The following ASTN2 variants were observed in gnomAD, a reference collection of about 807,000 sequenced individuals.
ASTN2 encodes the protein astrotactin-2.
Under a neutral mutation model 139.8 loss-of-function variants are expected in ASTN2, and 54 were observed. The observed-to-expected ratio is 0.39, with a 90% CI of 0.31 to 0.48. ASTN2 has a LOEUF of 0.48. Ranked by LOEUF, ASTN2 falls within the 20% of genes least tolerant of loss-of-function variation. ASTN2 has a pLI of 0.95. For synonymous variants in ASTN2, 756 were observed against 719.5 expected, an observed-to-expected ratio of 1.05 and a Z score of -0.81; for missense variants, 1,565 against 1,725.1, an observed-to-expected ratio of 0.91 and a Z score of 1.64.
chr9:116,497,687 A>G (rs1009898727), intron 19 of ASTN2, among the ~76,000 whole-genome samples: 1 of 152,058 alleles, frequency 6.6e-6, no homozygotes, highest in Admixed American at 6.6e-5. Flanking sequence ...TATTGCTAAC[A>G]TGTGTGGGGA....
chr9:117,027,672 G>C (rs1483283297), intron 6 of ASTN2, among the ~76,000 whole-genome samples: 1 of 152,144 alleles, frequency 6.6e-6, no homozygotes, highest in Non-Finnish European at 1.5e-5. Flanking sequence ...ACCCAGATCT[G>C]CCCAGTGGAA....
intron 16 of ASTN2, among the ~76,000 whole-genome samples, chr9:116,655,418 T>G (rs577934247): frequency 6.6e-6 from 1 of 152,334 alleles, no homozygotes; most frequent in African/African-American, 2.4e-5. Context: ...AGAGAGCATG[T>G]AGAAAATGTG....
At chr9:116,983,281 G>A (rs577629139) in intron 7 of ASTN2, among the ~76,000 whole-genome samples, 10 of 152,128 alleles carry the variant, frequency 6.6e-5, no homozygotes, top group Non-Finnish European at 1.5e-4. Context: ...GCACGTAGTG[G>A]GAAAAGTATG....
intron 11 of ASTN2, among the ~76,000 whole-genome samples, chr9:116,849,749 C>T (rs1326814): frequency 0.58 from 88,043 of 151,872 alleles, 26,002 homozygotes; most frequent in Middle Eastern, 0.79. Context: ...AGGCTGGTAT[C>T]GCTTCCCCAT....
In ASTN2 at chr9:116,425,176, CAG is replaced by C. The variant is rs1422863578; in HGVS notation, c.*673_*674del. On this transcript the variant is annotated 3_prime_UTR_variant, in exon 23 of 23. Transcript: ENST00000313400. ...GGTAGATACTCAATAAGTGAATAAA[CAG>C]AGGTCTCTCAAGCACATTCCCTTGG... 4.3e-6 allele frequency: 1 copy of C among 231,842 alleles called. No individual in the cohort carries two copies. Among genetic ancestry groups the C allele is most frequent in the Non-Finnish European group, 8.3e-6 (1 of 120,658 alleles). The allele number at this position is 231,842 out of a possible 1,614,324, so 14.4% of individuals were successfully genotyped here.
chr9:117,198,908 A>C (rs1051497044), intron 3 of ASTN2, among the ~76,000 whole-genome samples: 2 of 151,982 alleles, frequency 1.3e-5, no homozygotes, highest in African/African-American at 4.8e-5. Context: ...GCTGTTTTTC[A>C]TATGTTTGTT....
intron 5 of ASTN2, among the ~76,000 whole-genome samples, chr9:117,090,145 A>G (rs1828669383): frequency 6.6e-6 from 1 of 152,232 alleles, no homozygotes; most frequent in Non-Finnish European, 1.5e-5. Context: ...GAAAATATTT[A>G]TGTCCATTCA....
Position 116,558,086 on chromosome 9 carries a change from A to G in ASTN2, c.3355+60238T>C, listed in dbSNP as rs1279424051. On this transcript the variant is annotated intron_variant, in intron 19 of 22. Transcript: ENST00000313400. ...GTGATCCCACTATGGACCATATCCT[A>G]TATCATGGGTGCTGAGATGAAGGGC... is the stretch of plus-strand genomic sequence containing the variant. Among the ~76,000 whole-genome samples, 6 of 152,178 alleles carry G rather than the reference A, an allele frequency of 3.9e-5. No individual in the cohort carries two copies. The South Asian group carries it at 6.2e-4, about 16-fold the overall frequency.
intron 1 of ASTN2, among the ~76,000 whole-genome samples, chr9:117,374,369 T>TAAAAAAAAAAAAAAAAAAAA (rs57428022): frequency 1.1e-5 from 1 of 87,328 alleles, no homozygotes; most frequent in African/African-American, 5.5e-5. Context: ...AGGGCAGGGT[T>TAAAAAAAAAAAAAAAAAAAA]AAAAAAAAAA....
At chr9:117,208,306 T>C (rs1026869985) in intron 3 of ASTN2, among the ~76,000 whole-genome samples, 4 of 151,704 alleles carry the variant, frequency 2.6e-5, no homozygotes, top group Admixed American at 6.6e-5. Context: ...AAGAGATAGA[T>C]ACCATAAAAA....
chr9:117,284,523 G>A (rs1036752427), intron 2 of ASTN2, among the ~76,000 whole-genome samples: 1 of 152,208 alleles, frequency 6.6e-6, no homozygotes, highest in East Asian at 1.9e-4. Context: ...GAACCTAGAA[G>A]GAAAGCCTGG....
intron 1 of ASTN2, among the ~76,000 whole-genome samples, chr9:117,392,548 C>T (rs867524654): frequency 6.6e-6 from 1 of 152,184 alleles, no homozygotes; most frequent in Admixed American, 6.5e-5. Context: ...GATTACTAAA[C>T]TCTTACAACC....
chr9:116,670,639 C>T (rs921144800), intron 16 of ASTN2, among the ~76,000 whole-genome samples: 1 of 152,098 alleles, frequency 6.6e-6, no homozygotes. Context: ...TGGTTAATGG[C>T]AGCCACCATA....
intron 1 of ASTN2, among the ~76,000 whole-genome samples, chr9:117,336,011 T>C (rs1025775934): frequency 1.3e-5 from 2 of 148,586 alleles, no homozygotes; most frequent in African/African-American, 5.0e-5. Flanking sequence ...GTTGAACAAA[T>C]TGGCAGTGAG....
chr9:117,406,830 TTATTA>T (rs1451766783), intron 1 of ASTN2, among the ~76,000 whole-genome samples: 1 of 150,646 alleles, frequency 6.6e-6, no homozygotes, highest in South Asian at 2.1e-4. Context: ...ACTTATTTAC[TTATTA>T]TGTCTGTTGT....
At position 117,414,813 on chromosome 9, in the gene ASTN2, C is replaced by T. The variant is rs1369479199; in HGVS notation, c.126G>A (p.Leu42=). 3 of 1,220,038 alleles carry T rather than the reference C, an allele frequency of 2.5e-6. No individual in the cohort carries two copies. Among genetic ancestry groups the T allele is most frequent in the Non-Finnish European group, 3.1e-6 (3 of 979,414 alleles). 75.6% of individuals were successfully genotyped at this position (1,220,038 alleles called of 1,614,324 possible). ...CGCCGGCCAGCAGCGGCGGCGGCGG[C>T]AGCAGGAGCAGGAACAGCAGCAGCA... ...LPLLLLFLLL[L]PPPPLLAGAT... The change falls in exon 1 of 23, where the codon CTG becomes CTA. Residue 42 remains leucine, a synonymous_variant. Coordinates refer to ENST00000313400, the MANE Select transcript of ASTN2 (RefSeq NM_001365068.1). The surrounding 1 kb of genome is among the most constrained non-coding windows in gnomAD (Gnocchi z 4.2).
chr9:117,366,834 G>A (rs1415912126), intron 1 of ASTN2, among the ~76,000 whole-genome samples: 1 of 152,034 alleles, frequency 6.6e-6, no homozygotes, highest in African/African-American at 2.4e-5. Flanking sequence ...GAGCACGGTG[G>A]CATGATCTCA....
At chr9:117,380,358 G>A (rs577034688) in intron 1 of ASTN2, among the ~76,000 whole-genome samples, 212 of 152,200 alleles carry the variant, frequency 1.4e-3, no homozygotes, top group African/African-American at 4.1e-3. Context: ...TGTAATCCCA[G>A]CACTTTGGGA....
At chr9:117,184,557 A>T (rs925411666) in intron 3 of ASTN2, among the ~76,000 whole-genome samples, 1 of 152,174 alleles carries the variant, frequency 6.6e-6, no homozygotes, top group African/African-American at 2.4e-5. Flanking sequence ...TCTCAGAATG[A>T]CAGTGACTGA....
Sources: gnomAD v4.1 joint callset for allele counts (sites outside exome capture counted in the v4.1 genomes callset) on GRCh38, gnomAD v4.1.1 for gene constraint, Gnocchi (gnomAD v3.1) non-coding constraint, MANE v1.5 for transcripts, NCBI Gene and HGNC (gene_info 2026-07-23, HGNC 2026-07-21) for gene names.